Variants in MTRR observed in about 807,000 individuals in gnomAD.
The protein encoded by MTRR is methionine synthase reductase.
MTRR carries 63 observed loss-of-function variants against 79.2 expected under a neutral mutation model. The observed-to-expected ratio is 0.80, with a 90% confidence interval of 0.65 to 0.98. The LOEUF (loss-of-function observed/expected upper bound fraction) is 0.98. MTRR is among the 50% of genes least tolerant of loss of function. MTRR has a pLI of 0.00. For missense variants in MTRR, 895 were observed against 839.6 expected (o/e 1.07, Z -0.82); for synonymous variants, 355 against 313.3 (o/e 1.13, Z -1.41).
intron 1 of MTRR, among the ~76,000 whole-genome samples, chr5:7,856,147 G>T (rs1327760041): frequency 1.3e-5 from 2 of 152,090 alleles, no homozygotes; most frequent in Non-Finnish European, 1.5e-5. Flanking sequence ...TCCCTCAAAG[G>T]GAAAAGAAAT....
intron 9 of MTRR, among the ~76,000 whole-genome samples, chr5:7,889,490 G>C (rs574268647): frequency 5.9e-5 from 9 of 152,282 alleles, no homozygotes; most frequent in African/African-American, 2.2e-4. Context: ...AGAAGTCACA[G>C]AATTCCCCTT....
At chr5:7,877,136 AT>A (rs1734695780) in intron 4 of MTRR, among the ~76,000 whole-genome samples, 1 of 152,182 alleles carries the variant, frequency 6.6e-6, no homozygotes, top group Non-Finnish European at 1.5e-5. Context: ...AGGAATTAGA[AT>A]TTAATTGATC....
chr5:7,850,953 C>T (rs752914192), upstream of MTRR: 17 of 1,336,560 alleles, frequency 1.3e-5, no homozygotes, highest in East Asian at 4.5e-4. Flanking sequence ...CGGACTGCGC[C>T]GAGACGGGCG....
rs915737943 is a variant in MTRR at position 7,861,762 on chromosome 5, T to C, written n.392-189T>C. 1.0e-5 allele frequency: 15 copies of C among 1,479,318 alleles called. No homozygotes were observed. In the Admixed American group the frequency reaches 1.8e-4, roughly 17 times the overall value. 91.6% of individuals were successfully genotyped at this position (1,479,318 alleles called of 1,614,324 possible). On this transcript the variant is annotated intron_variant and non_coding_transcript_variant, in intron 1 of 3. Transcript: ENST00000502509. ...ATTCCTTCCACCTTGCATTGATCAA[T>C]TGGACTGAAGGCTGCAAAGTAATGA...
At chr5:7,880,521 A>G (rs162032) in intron 5 of MTRR, among the ~76,000 whole-genome samples, 128,749 of 152,188 alleles carry the variant, frequency 0.85, 54,716 homozygotes, top group African/African-American at 0.91. Context: ...CCCAGGATTT[A>G]TGTGGTTTTT....
At chr5:7,859,037 C>T (rs1383228054) in intron 1 of MTRR, 9 of 152,856 alleles carry the variant, frequency 5.9e-5, no homozygotes, top group Admixed American at 2.0e-4. Flanking sequence ...TGCTCCTTTT[C>T]CTTACGGTAA....
At chr5:7,863,058 T>C in intron 2 of MTRR, 1 of 1,459,536 alleles carries the variant, frequency 6.9e-7, no homozygotes, top group Non-Finnish European at 9.5e-7. Context: ...AGAGAATAAA[T>C]TGAAGGTTAC....
intron 1 of MTRR, among the ~76,000 whole-genome samples, chr5:7,853,909 T>G (rs956322938): frequency 2.0e-5 from 3 of 152,036 alleles, no homozygotes; most frequent in Admixed American, 6.5e-5. Context: ...AGGTGAGTCA[T>G]AGCCCCACGG....
chr5:7,874,201 G>A (rs1186166886), intron 3 of MTRR, among the ~76,000 whole-genome samples: 1 of 152,184 alleles, frequency 6.6e-6, no homozygotes. Context: ...TACCAGAGGG[G>A]AATTGAGGGT....
intron 3 of MTRR, 57 bp from the exon 4 acceptor site, chr5:7,875,201 T>C: frequency 8.7e-7 from 1 of 1,154,598 alleles, no homozygotes. Context: ...TTACCTAGTC[T>C]TTGTGTCCTT....
upstream of MTRR, among the ~76,000 whole-genome samples, chr5:7,868,736 G>T (rs1747265706): frequency 6.6e-6 from 1 of 152,234 alleles, no homozygotes; most frequent in Non-Finnish European, 1.5e-5. Flanking sequence ...GGGGCGGCCA[G>T]TCCAGATCTA....
rs1382796636 is a variant in MTRR, at chr5:7,886,685, C to T, written c.1128C>T (p.Ile376=). 2.5e-6 allele frequency: 4 copies of T among 1,612,328 alleles called. 1 individual carries two copies. In the South Asian group the frequency reaches 4.4e-5, roughly 18 times the overall value. The change falls in exon 8 of 15, where the codon ATC becomes ATT. Residue 376 remains isoleucine, a synonymous_variant. Transcript: ENST00000440940. ...LQFIFTWCLE[I]RAIPKKAFLR... Reference sequence around the variant, plus strand: ...TCATTTTTACCTGGTGTCTTGAAATCCGAGCAATTCCTAAAAAGGTATTTT... The same window carrying T: ...TCATTTTTACCTGGTGTCTTGAAATTCGAGCAATTCCTAAAAAGGTATTTT...
intron 1 of MTRR, chr5:7,859,545 A>C (rs754441700): frequency 1.5e-5 from 24 of 1,550,866 alleles, no homozygotes; most frequent in Non-Finnish European, 1.8e-6. Context: ...GGGATCTGTA[A>C]AGGTAGAAAA....
chr5:7,898,584 G>T (rs1354838028), intron 14 of MTRR, among the ~76,000 whole-genome samples: 1 of 152,162 alleles, frequency 6.6e-6, no homozygotes, highest in Non-Finnish European at 1.5e-5. Flanking sequence ...AAGCAAAATT[G>T]TCCCAAAGCC....
intron 7 of MTRR, 125 bp downstream of exon 7, chr5:7,885,979 C>T (rs148759281): frequency 0.01 from 13,209 of 1,282,542 alleles, 95 homozygotes; most frequent in Non-Finnish European, 0.013. Context: ...GGCTCAGCTG[C>T]GCATCAAGGT....
chr5:7,853,238 A>T (rs1746128404), intron 1 of MTRR, among the ~76,000 whole-genome samples: 1 of 152,022 alleles, frequency 6.6e-6, no homozygotes, highest in South Asian at 2.1e-4. Context: ...ACAGGATCTG[A>T]TGGTTTTATA....
At chr5:7,881,305 A>G (rs550636921) in intron 5 of MTRR, among the ~76,000 whole-genome samples, 2 of 151,998 alleles carry the variant, frequency 1.3e-5, no homozygotes, top group African/African-American at 4.8e-5. Flanking sequence ...TAGCTAGCCC[A>G]GTGCTTTAGT....
chr5:7,874,920 A>C (rs1748616973), intron 3 of MTRR, among the ~76,000 whole-genome samples: 1 of 152,246 alleles, frequency 6.6e-6, no homozygotes, highest in Non-Finnish European at 1.5e-5. Context: ...AAAAATGTAC[A>C]GATGACAGAT....
chr5:7,854,547 A>T (rs750597394), intron 1 of MTRR, among the ~76,000 whole-genome samples: 4 of 152,044 alleles, frequency 2.6e-5, no homozygotes, highest in South Asian at 2.1e-4. Flanking sequence ...GATGAAAGGC[A>T]CTCCTTACAT....
Sources: allele counts gnomAD v4.1 joint callset (sites outside exome capture counted in the v4.1 genomes callset), GRCh38; gene constraint gnomAD v4.1.1; transcripts MANE v1.5; gene names NCBI Gene and HGNC (gene_info 2026-07-23, HGNC 2026-07-21).